The following SNTG2 variants were observed in gnomAD, a reference collection of about 807,000 sequenced individuals.
The protein encoded by SNTG2 is gamma-2-syntrophin.
SNTG2 carries 74 observed loss-of-function variants against 70.9 expected under a neutral mutation model. That is an observed-to-expected ratio of 1.04 (90% confidence interval 0.86 to 1.27). SNTG2 has a LOEUF of 1.27. Ranked by LOEUF, SNTG2 falls within the 50% of genes most tolerant of loss-of-function variation. The pLI is 0.00. For synonymous variants in SNTG2, 278 were observed against 273.8 expected (o/e 1.02, Z -0.15); for missense variants, 717 against 690.7 (o/e 1.04, Z -0.43).
chr2:1,299,114 C>A (rs923167881), intron 14 of SNTG2, among the ~76,000 whole-genome samples: 1 of 152,196 alleles, frequency 6.6e-6, no homozygotes, highest in African/African-American at 2.4e-5. Context: ...CTGACTAATA[C>A]AAGATACTTT....
At chr2:1,057,271 T>G (rs755362053) in intron 1 of SNTG2, among the ~76,000 whole-genome samples, 6 of 152,134 alleles carry the variant, frequency 3.9e-5, no homozygotes, top group African/African-American at 1.4e-4. Context: ...TTTATCTCTA[T>G]TCTGGCTGTA....
intron 8 of SNTG2, among the ~76,000 whole-genome samples, chr2:1,181,228 T>C (rs923820788): frequency 2.2e-4 from 33 of 151,636 alleles, no homozygotes; most frequent in South Asian, 4.2e-4. Flanking sequence ...AATAATAAAA[T>C]AAATAAAGCA....
At chr2:1,041,714 C>T (rs1183974783) in intron 1 of SNTG2, among the ~76,000 whole-genome samples, 1 of 152,182 alleles carries the variant, frequency 6.6e-6, no homozygotes, top group Non-Finnish European at 1.5e-5. Flanking sequence ...TCCCCAGAAG[C>T]CAAGCAATGC....
intron 14 of SNTG2, among the ~76,000 whole-genome samples, chr2:1,286,956 A>G (rs934377226): frequency 6.6e-6 from 1 of 152,194 alleles, no homozygotes; most frequent in Non-Finnish European, 1.5e-5. Context: ...GCTCCTGTGC[A>G]CTTCCTCGGC....
chr2:971,176 T>C (rs1355077763), intron 1 of SNTG2, among the ~76,000 whole-genome samples: 1 of 152,250 alleles, frequency 6.6e-6, no homozygotes, highest in Admixed American at 6.5e-5. Context: ...GAGGAATCCT[T>C]CTTCTGCAAT....
intron 1 of SNTG2, among the ~76,000 whole-genome samples, chr2:990,007 C>G (rs556164329): frequency 1.3e-5 from 2 of 152,392 alleles, no homozygotes; most frequent in African/African-American, 4.8e-5. Flanking sequence ...CTGCCCTGAG[C>G]TCCTCCAGGA....
chr2:1,217,244 C>A (rs1430373848), intron 9 of SNTG2, among the ~76,000 whole-genome samples: 1 of 152,098 alleles, frequency 6.6e-6, no homozygotes, highest in East Asian at 1.9e-4. Flanking sequence ...CCATTTGCCT[C>A]CAACATGTTA....
chr2:1,361,069 G>T (rs1036873849), intron 16 of SNTG2, among the ~76,000 whole-genome samples: 1 of 152,196 alleles, frequency 6.6e-6, no homozygotes, highest in African/African-American at 2.4e-5. Flanking sequence ...AGTAAACTGC[G>T]TCCTTGGGGC....
At chr2:1,337,107 G>A (rs1659856416) in intron 16 of SNTG2, among the ~76,000 whole-genome samples, 1 of 152,044 alleles carries the variant, frequency 6.6e-6, no homozygotes, top group Non-Finnish European at 1.5e-5. Context: ...CCAACACTTA[G>A]GCTGCTTCCA....
At chr2:1,066,102 C>G (rs1394564842) in intron 1 of SNTG2, among the ~76,000 whole-genome samples, 1 of 152,058 alleles carries the variant, frequency 6.6e-6, no homozygotes, top group African/African-American at 2.4e-5. Flanking sequence ...AAATAGGAGC[C>G]ATTACAAGCA....
chr2:1,197,037 G>A (rs2147955470), intron 8 of SNTG2, among the ~76,000 whole-genome samples: 1 of 152,152 alleles, frequency 6.6e-6, no homozygotes. Flanking sequence ...TAAACAATGA[G>A]AGAGAAAGAA....
intron 12 of SNTG2, among the ~76,000 whole-genome samples, chr2:1,251,590 C>T (rs1007654259): frequency 1.4e-5 from 2 of 147,372 alleles, no homozygotes; most frequent in Non-Finnish European, 3.0e-5. Flanking sequence ...AGGCACATAC[C>T]ACACACACCA....
intron 9 of SNTG2, among the ~76,000 whole-genome samples, chr2:1,215,876 A>G (rs1431137251): frequency 6.6e-6 from 1 of 152,080 alleles, no homozygotes; most frequent in African/African-American, 2.4e-5. Flanking sequence ...CCTACAAAGG[A>G]CATGAACTCA....
At chr2:1,322,637 GTCTCTC>G (rs147991649) in intron 16 of SNTG2, among the ~76,000 whole-genome samples, 17 of 151,424 alleles carry the variant, frequency 1.1e-4, no homozygotes, top group Admixed American at 1.1e-3. Flanking sequence ...CTCTCACTCT[GTCTCTC>G]TCTCTCTCCC....
chr2:1,034,249 C>T (rs1572264608), intron 1 of SNTG2, among the ~76,000 whole-genome samples: 1 of 152,152 alleles, frequency 6.6e-6, no homozygotes, highest in African/African-American at 2.4e-5. Flanking sequence ...ATAATGGCCT[C>T]CAGCTCCATC....
intron 1 of SNTG2, among the ~76,000 whole-genome samples, chr2:1,035,915 C>G (rs1326124211): frequency 6.6e-6 from 1 of 152,144 alleles, no homozygotes; most frequent in Non-Finnish European, 1.5e-5. Context: ...ACACTGTCCG[C>G]CAATAATGAT....
At position 985,273 on chromosome 2, in the gene SNTG2, A is replaced by C. The variant is rs1661267436; in HGVS notation, c.72+34205A>C. Among the ~76,000 whole-genome samples the C allele has an allele frequency of 2.0e-5, 3 of 152,186 alleles. No homozygotes were observed. In the South Asian group the frequency reaches 6.2e-4, roughly 32 times the overall value. ...GGAAATGCATGTGCCTGCAGCCATT[A>C]AACAGAAAGACAAGTTGATTTTTTT... On this transcript the variant is annotated intron_variant, in intron 1 of 16. Coordinates refer to ENST00000308624, the MANE Select transcript of SNTG2 (RefSeq NM_018968.4).
chr2:1,217,063 T>C (rs140536154), intron 9 of SNTG2, among the ~76,000 whole-genome samples: 3 of 152,274 alleles, frequency 2.0e-5, no homozygotes, highest in Non-Finnish European at 4.4e-5. Flanking sequence ...CCTTGGGTCT[T>C]TTCTTTTGTT....
intron 14 of SNTG2, among the ~76,000 whole-genome samples, chr2:1,277,851 C>T (rs1159711957): frequency 2.6e-5 from 4 of 152,294 alleles, no homozygotes; most frequent in East Asian, 3.9e-4. Context: ...GGCACAGCCT[C>T]ATAGACAAGC....
Sources: gnomAD v4.1 joint callset for allele counts (sites outside exome capture counted in the v4.1 genomes callset) on GRCh38, gnomAD v4.1.1 for gene constraint, MANE v1.5 for transcripts, NCBI Gene and HGNC (gene_info 2026-07-23, HGNC 2026-07-21) for gene names.